FCHO2: variants seen among roughly 807,000 people sequenced by gnomAD.
The protein encoded by FCHO2 is FCH and mu domain containing endocytic adaptor 2, also known as F-BAR domain only protein 2.
A neutral mutation model predicts 114.1 loss-of-function variants in FCHO2; 43 were observed. The ratio of observed to expected loss-of-function variants is 0.38; its 90% CI spans 0.30 to 0.49. The LOEUF is 0.49. Among genes scored for constraint, FCHO2 ranks in the 20% least tolerant of loss-of-function variants. The pLI, the probability that FCHO2 is intolerant of heterozygous loss-of-function variation, is 0.97. For synonymous variants in FCHO2, 293 were observed against 315.2 expected (o/e 0.93, Z 0.75); for missense variants, 807 against 950.4 (o/e 0.85, Z 1.98).
At chr5:72,989,314 C>A in intron 2 of FCHO2, 113 bp from the exon 3 acceptor site, 2 of 710,846 alleles carry the variant, frequency 2.8e-6, no homozygotes, top group Non-Finnish European at 4.7e-6. Flanking sequence ...TTATTTTTAA[C>A]ATGTAATTTT....
intron 3 of FCHO2, 86 bp downstream of exon 3, chr5:72,989,587 A>T (rs1561427027): frequency 6.5e-6 from 6 of 921,372 alleles, no homozygotes; most frequent in Non-Finnish European, 8.3e-6. Context: ...ATAACAGTTC[A>T]AAAGCATAGT....
At chr5:73,052,547 T>TGGGCCGGGCGCGGTGGCTCACGCCTG in intron 13 of FCHO2, 40 bp downstream of exon 13, 1 of 1,475,062 alleles carries the variant, frequency 6.8e-7, no homozygotes, top group South Asian at 1.3e-5. Context: ...ATAAAAGTCT[T>TGGGCCGGGCGCGGTGGCTCACGCCTG]TATTTTTCTT....
At chr5:72,997,298 T>A in intron 5 of FCHO2, 12 of 1,516,006 alleles carry the variant, frequency 7.9e-6, no homozygotes, top group Non-Finnish European at 1.0e-5. Context: ...GCTGGTAGTG[T>A]TTATAGCAAG....
intron 1 of FCHO2, among the ~76,000 whole-genome samples, chr5:72,959,972 A>C (rs1362401682): frequency 6.6e-6 from 1 of 151,994 alleles, no homozygotes; most frequent in Non-Finnish European, 1.5e-5. Flanking sequence ...TGGAGATGAG[A>C]TCTCGCTATG....
At chr5:73,006,671 A>G in intron 6 of FCHO2, 122 bp downstream of exon 6, 1 of 620,726 alleles carries the variant, frequency 1.6e-6, no homozygotes, top group Non-Finnish European at 2.6e-6. Flanking sequence ...CAATTTGTTA[A>G]TGATGCTGTT....
chr5:72,967,861 C>T (rs1229058605), intron 1 of FCHO2, among the ~76,000 whole-genome samples: 1 of 151,692 alleles, frequency 6.6e-6, no homozygotes, highest in Non-Finnish European at 1.5e-5. Context: ...CTCAAGTGAT[C>T]CGCCTGCCTC....
At chr5:73,078,421 C>A in intron 22 of FCHO2, 109 bp downstream of exon 22, 1 of 1,034,604 alleles carries the variant, frequency 9.7e-7, no homozygotes, top group South Asian at 1.7e-5. Context: ...CCCAGAAATT[C>A]AAGGATGTTT....
At chr5:73,026,359 A>G (rs566310278) in intron 8 of FCHO2, among the ~76,000 whole-genome samples, 2 of 152,006 alleles carry the variant, frequency 1.3e-5, no homozygotes, top group South Asian at 4.1e-4. Context: ...AATCCCAGCT[A>G]CTTGGGAGGC....
intron 5 of FCHO2, among the ~76,000 whole-genome samples, chr5:72,999,590 C>T (rs1479989082): frequency 6.6e-6 from 1 of 151,986 alleles, no homozygotes; most frequent in Non-Finnish European, 1.5e-5. Flanking sequence ...ACCTTGTTGG[C>T]CAGCCTGATC....
intron 8 of FCHO2, 33 bp from the exon 9 acceptor site, chr5:73,034,624 C>T (rs766448282): frequency 8.4e-6 from 13 of 1,548,976 alleles, no homozygotes; most frequent in Non-Finnish European, 1.0e-5. Flanking sequence ...TAGTTTTTTT[C>T]TACTAGAAGT....
chr5:72,969,046 A>AT, intron 2 of FCHO2, among the ~76,000 whole-genome samples: 1 of 152,226 alleles, frequency 6.6e-6, no homozygotes, highest in Admixed American at 6.5e-5. Flanking sequence ...ATTGTTGTTA[A>AT]GACTCTTAGA....
At chr5:73,001,448 CAAAAAA>C (rs1215202339) in intron 5 of FCHO2, among the ~76,000 whole-genome samples, 2 of 65,530 alleles carry the variant, frequency 3.1e-5, no homozygotes, top group Non-Finnish European at 2.8e-5. Context: ...GATCCTGTCT[CAAAAAA>C]AAAAAAAAAA....
At chr5:73,056,998 C>G (rs1200568288) in intron 16 of FCHO2, among the ~76,000 whole-genome samples, 1 of 152,026 alleles carries the variant, frequency 6.6e-6, no homozygotes, top group East Asian at 1.9e-4. Context: ...CTTACTCTGT[C>G]TCTCAGGCTG....
intron 19 of FCHO2, among the ~76,000 whole-genome samples, chr5:73,072,136 C>T (rs1478999877): frequency 1.3e-5 from 2 of 151,760 alleles, no homozygotes; most frequent in Non-Finnish European, 1.5e-5. Context: ...TCAAGCAGTC[C>T]TCCCACCTCA....
chr5:73,075,715 G>A (rs1030250891), intron 20 of FCHO2, among the ~76,000 whole-genome samples: 7 of 152,114 alleles, frequency 4.6e-5, no homozygotes, highest in African/African-American at 1.7e-4. Flanking sequence ...AGAAGTCCAG[G>A]TGAGAGATAA....
chr5:73,037,393 G>A (rs1315612383), intron 10 of FCHO2, among the ~76,000 whole-genome samples, 178 bp downstream of exon 10: 16 of 147,858 alleles, frequency 1.1e-4, no homozygotes, highest in Non-Finnish European at 9.0e-5. Flanking sequence ...TCTGGTTTTA[G>A]ATCAAAGTAT....
chr5:73,020,476 G>C (rs372511283), intron 8 of FCHO2, among the ~76,000 whole-genome samples: 2 of 152,176 alleles, frequency 1.3e-5, no homozygotes, highest in East Asian at 1.9e-4. Flanking sequence ...CTAGTGACTG[G>C]ATACTGAACA....
Position 72,997,805 on chromosome 5 carries a change from A to T in FCHO2, c.495+6941A>T, listed in dbSNP as rs1335800529. 2.6e-5 allele frequency among the ~76,000 whole-genome samples: 4 copies of T among 152,288 alleles called. No homozygotes were observed. In the East Asian group the frequency reaches 5.8e-4, roughly 22 times the overall value. On this transcript the variant is annotated intron_variant, in intron 5 of 25. Coordinates refer to ENST00000430046, the MANE Select transcript of FCHO2 (RefSeq NM_138782.3). The stretch of plus-strand genomic sequence containing the variant: ...GCCCTACACTCCACTTGGAGTCTGG[A>T]TGGACGCATGGGCCTGGGACCCTGA...
intron 1 of FCHO2, among the ~76,000 whole-genome samples, chr5:72,965,175 C>A (rs561607776): frequency 6.6e-6 from 1 of 152,172 alleles, no homozygotes; most frequent in East Asian, 1.9e-4. Context: ...TGTGGTTGAA[C>A]GTCCCGTATA....
Sources: allele counts gnomAD v4.1 joint callset (sites outside exome capture counted in the v4.1 genomes callset), GRCh38; gene constraint gnomAD v4.1.1; transcripts MANE v1.5; gene names NCBI Gene and HGNC (gene_info 2026-07-23, HGNC 2026-07-21).